Variants in SNX29 observed in about 807,000 individuals in gnomAD.
SNX29 encodes sorting nexin 29.
A neutral mutation model predicts 102.1 loss-of-function variants in SNX29; 78 were observed. The observed-to-expected ratio is 0.76, with a 90% confidence interval of 0.64 to 0.92. The LOEUF (loss-of-function observed/expected upper bound fraction) is 0.92. SNX29 is among the 40% of genes least tolerant of loss of function. The pLI, the probability that SNX29 is intolerant of heterozygous loss-of-function variation, is 0.00. For synonymous variants in SNX29, 580 were observed against 414.5 expected, an observed-to-expected ratio of 1.40 and a Z score of -4.85; for missense variants, 1,280 against 1,061.7, an observed-to-expected ratio of 1.21 and a Z score of -2.86.
At chr16:12,070,932 A>C (rs538749365) in intron 10 of SNX29, among the ~76,000 whole-genome samples, 1,783 of 152,248 alleles carry the variant, frequency 0.012, 10 homozygotes, top group Non-Finnish European at 0.018. Flanking sequence ...AGCGATGATG[A>C]GCATTTTTTC....
At chr16:12,217,780 A>C (rs1019714102) in intron 14 of SNX29, among the ~76,000 whole-genome samples, 2 of 152,238 alleles carry the variant, frequency 1.3e-5, no homozygotes, top group African/African-American at 4.8e-5. Context: ...ATTCAGACCC[A>C]GGTCTAAATC....
Position 12,504,704 on chromosome 16 carries a change from A to G in SNX29, c.2179-19998A>G, listed in dbSNP as rs1226595771. On this transcript the variant is annotated intron_variant, in intron 19 of 20. Coordinates refer to ENST00000566228, the MANE Select transcript of SNX29 (RefSeq NM_032167.5). ...TATATCGTTATAATTGTTCTATTTG[A>G]TTATTGTTGTTAATCTCTTACTGTG... Among the ~76,000 whole-genome samples, 5 of 152,244 alleles carry G rather than the reference A, an allele frequency of 3.3e-5. No individual in the cohort carries two copies. The East Asian group carries it at 9.6e-4, about 29-fold the overall frequency.
intron 16 of SNX29, among the ~76,000 whole-genome samples, chr16:12,392,089 C>T (rs959930207): frequency 2.0e-5 from 3 of 152,192 alleles, no homozygotes; most frequent in African/African-American, 7.2e-5. Context: ...TCTCCCAACA[C>T]GCTAATACTT....
chr16:12,070,508 C>T (rs1408480812), intron 10 of SNX29, among the ~76,000 whole-genome samples: 1 of 151,696 alleles, frequency 6.6e-6, no homozygotes, highest in Non-Finnish European at 1.5e-5. Context: ...GACATGAACT[C>T]ATCATTTTTT....
intron 7 of SNX29, 119 bp from the exon 8 acceptor site, chr16:12,051,728 G>C: frequency 1.4e-6 from 2 of 1,383,770 alleles, no homozygotes; most frequent in South Asian, 3.0e-5. Context: ...CTGAATTCAT[G>C]TTACAGTGTA....
At chr16:12,561,323 T>C (rs536085142) in intron 20 of SNX29, among the ~76,000 whole-genome samples, 1 of 152,144 alleles carries the variant, frequency 6.6e-6, no homozygotes, top group South Asian at 2.1e-4. Context: ...GAGGCAGAAC[T>C]GGGTTTTCAA....
chr16:12,380,422 T>G (rs1232602329), intron 16 of SNX29, among the ~76,000 whole-genome samples: 2 of 53,640 alleles, frequency 3.7e-5, no homozygotes, highest in Admixed American at 4.3e-4. Flanking sequence ...CACCCACCCC[T>G]CATCCATCCA....
chr16:12,239,762 G>A (rs770712157), intron 14 of SNX29, among the ~76,000 whole-genome samples: 2 of 151,538 alleles, frequency 1.3e-5, no homozygotes, highest in African/African-American at 4.8e-5. Context: ...CAGGGCTACC[G>A]TGAGCTGGTG....
intron 18 of SNX29, among the ~76,000 whole-genome samples, chr16:12,461,999 A>G (rs1179750846): frequency 2.0e-4 from 14 of 71,544 alleles, no homozygotes; most frequent in African/African-American, 9.4e-4. Flanking sequence ...ATATATATAT[A>G]TATATATATA....
In SNX29 at chr16:12,547,108, A is replaced by G. The variant is rs2077654294; in HGVS notation, c.2319-21398A>G. ...TGTGAGGTGGCGATTTCCAGTGAAA[A>G]GACAGGAAATGACATCACAGTCATC... On this transcript the variant is annotated intron_variant, in intron 20 of 20. Coordinates refer to ENST00000566228, the MANE Select transcript of SNX29 (RefSeq NM_032167.5). Among the ~76,000 whole-genome samples the G allele has an allele frequency of 2.0e-5, 3 of 152,212 alleles. No individual in the cohort carries two copies. The South Asian group carries it at 6.2e-4, about 31-fold the overall frequency.
intron 15 of SNX29, among the ~76,000 whole-genome samples, chr16:12,334,339 G>T (rs745537962): frequency 6.6e-6 from 1 of 152,154 alleles, no homozygotes; most frequent in Non-Finnish European, 1.5e-5. Context: ...TTTGAGGTCT[G>T]GGGCTTCGCT....
chr16:12,345,996 A>G (rs574075892), intron 15 of SNX29, among the ~76,000 whole-genome samples: 1 of 150,682 alleles, frequency 6.6e-6, no homozygotes. Flanking sequence ...AGCCAGTCCC[A>G]CTCCCCCCTC....
At chr16:12,074,692 C>G (rs2051464789) in intron 10 of SNX29, among the ~76,000 whole-genome samples, 1 of 152,096 alleles carries the variant, frequency 6.6e-6, no homozygotes, top group Non-Finnish European at 1.5e-5. Context: ...TCTGTATTTC[C>G]TGAATCTGAA....
chr16:12,044,342 T>A (rs1359760623), intron 5 of SNX29, among the ~76,000 whole-genome samples: 1 of 152,186 alleles, frequency 6.6e-6, no homozygotes, highest in Non-Finnish European at 1.5e-5. Flanking sequence ...ATGTCTCAGA[T>A]CTTCTGGGAT....
intron 3 of SNX29, among the ~76,000 whole-genome samples, chr16:12,004,495 C>T (rs2056391153): frequency 6.6e-6 from 1 of 152,100 alleles, no homozygotes; most frequent in Non-Finnish European, 1.5e-5. Context: ...GCTGCAAATG[C>T]GTTGTGAGCT....
chr16:12,149,233 G>A (rs2055194889), intron 13 of SNX29, among the ~76,000 whole-genome samples: 1 of 152,222 alleles, frequency 6.6e-6, no homozygotes, highest in South Asian at 2.1e-4. Context: ...GCAGCAGGAA[G>A]GGTAAAGCAG....
At chr16:12,407,575 A>C (rs890546129) in intron 18 of SNX29, among the ~76,000 whole-genome samples, 2 of 152,244 alleles carry the variant, frequency 1.3e-5, no homozygotes, top group African/African-American at 4.8e-5. Flanking sequence ...TGTGATTAAC[A>C]AATACCAGTA....
intron 18 of SNX29, among the ~76,000 whole-genome samples, chr16:12,463,283 C>G (rs1053180606): frequency 6.6e-6 from 1 of 152,182 alleles, no homozygotes; most frequent in Non-Finnish European, 1.5e-5. Context: ...TTTTTCATTG[C>G]CTAATCACCT....
intron 19 of SNX29, among the ~76,000 whole-genome samples, chr16:12,488,096 T>G (rs2088340286): frequency 6.6e-6 from 1 of 152,184 alleles, no homozygotes; most frequent in African/African-American, 2.4e-5. Context: ...TAGTGTGGTT[T>G]CTTGGGAGGA....
Sources: gnomAD v4.1 joint callset for allele counts (sites outside exome capture counted in the v4.1 genomes callset) on GRCh38, gnomAD v4.1.1 for gene constraint, MANE v1.5 for transcripts, NCBI Gene and HGNC (gene_info 2026-07-23, HGNC 2026-07-21) for gene names.